The following CDIN1 variants were observed in gnomAD, a reference collection of about 807,000 sequenced individuals.
CDIN1 encodes the protein CDAN1-interacting nuclease 1.
In CDIN1, 33 loss-of-function variants were observed where a neutral mutation model predicts 45.3. That is an observed-to-expected ratio of 0.73 (90% CI 0.55 to 0.97). CDIN1 has a LOEUF of 0.97. Among genes scored for constraint, CDIN1 ranks in the 50% least tolerant of loss-of-function variants. The probability of loss-of-function intolerance (pLI) is 0.00; values close to 1 mark genes in which losing one functional copy is unlikely to be tolerated. For missense variants in CDIN1, 303 were observed against 339.4 expected (o/e 0.89, Z 0.84); for synonymous variants, 118 against 124.4 (o/e 0.95, Z 0.34).
intron 7 of CDIN1, among the ~76,000 whole-genome samples, chr15:36,694,476 T>C (rs2042355104): frequency 6.6e-6 from 1 of 152,198 alleles, no homozygotes; most frequent in South Asian, 2.1e-4. Flanking sequence ...GAAAATGTTA[T>C]GTTTGTGTAA....
chr15:36,618,439 G>A (rs1313273722), intron 1 of CDIN1: 3 of 848,082 alleles, frequency 3.5e-6, no homozygotes, highest in African/African-American at 3.3e-5. Context: ...TTCAGAGGTC[G>A]AAGATGACGA....
At chr15:36,723,207 C>A (rs1223530509) in intron 10 of CDIN1, among the ~76,000 whole-genome samples, 1 of 129,228 alleles carries the variant, frequency 7.7e-6, no homozygotes, top group African/African-American at 3.1e-5. Context: ...TTGTTGCTGG[C>A]AGCTTGCTAA....
chr15:36,746,669 C>CCACACACACACACACACACACACA (rs34320677), intron 10 of CDIN1, among the ~76,000 whole-genome samples: 69 of 141,500 alleles, frequency 4.9e-4, no homozygotes, highest in Admixed American at 3.2e-3. Flanking sequence ...ATATATGGTT[C>CCACACACACACACACACACACACA]CACACACACA....
intron 1 of CDIN1, among the ~76,000 whole-genome samples, chr15:36,615,174 C>G (rs1235165566): frequency 6.6e-6 from 1 of 152,182 alleles, no homozygotes; most frequent in Non-Finnish European, 1.5e-5. Flanking sequence ...TATTTTGAAA[C>G]TTTGCTTCTT....
intron 5 of CDIN1, among the ~76,000 whole-genome samples, chr15:36,661,910 A>G (rs73381739): frequency 0.036 from 5,530 of 152,284 alleles, 329 homozygotes; most frequent in African/African-American, 0.13. Flanking sequence ...AAAATTGTCT[A>G]AATGTTCAGT....
chr15:36,645,091 A>G (rs2040256736), intron 2 of CDIN1, 132 bp from the exon 3 acceptor site: 2 of 693,898 alleles, frequency 2.9e-6, no homozygotes, highest in African/African-American at 1.8e-5. Flanking sequence ...TGCCATCACC[A>G]CAATTCCCAA....
At chr15:36,589,606 C>T (rs963042277) in intron 1 of CDIN1, among the ~76,000 whole-genome samples, 5 of 151,894 alleles carry the variant, frequency 3.3e-5, no homozygotes, top group Admixed American at 6.6e-5. Flanking sequence ...CCTGGGTTCA[C>T]GCCATTCTCC....
At chr15:36,618,469 C>T (rs542231396) in intron 1 of CDIN1, 3 of 1,071,336 alleles carry the variant, frequency 2.8e-6, no homozygotes, top group East Asian at 4.7e-5. Flanking sequence ...AATCTCAAGA[C>T]CTCATCCTTC....
At chr15:36,625,210 G>T (rs1032758848) in intron 1 of CDIN1, among the ~76,000 whole-genome samples, 9 of 152,020 alleles carry the variant, frequency 5.9e-5, no homozygotes, top group Non-Finnish European at 1.3e-4. Context: ...GAACCCGGGA[G>T]GCAGAGCTTG....
At chr15:36,770,222 A>G (rs1279384176) in intron 10 of CDIN1, among the ~76,000 whole-genome samples, 2 of 151,990 alleles carry the variant, frequency 1.3e-5, no homozygotes, top group Non-Finnish European at 2.9e-5. Flanking sequence ...TTTATAATAA[A>G]TGGAATTTGA....
intron 5 of CDIN1, among the ~76,000 whole-genome samples, chr15:36,659,630 T>G (rs996651929): frequency 3.9e-5 from 6 of 151,914 alleles, no homozygotes; most frequent in African/African-American, 9.7e-5. Context: ...TTTTGTTTTT[T>G]TTTTTTTTTC....
chr15:36,596,726 C>T (rs945257001), intron 1 of CDIN1, among the ~76,000 whole-genome samples: 1 of 151,684 alleles, frequency 6.6e-6, no homozygotes, highest in Non-Finnish European at 1.5e-5. Flanking sequence ...TACAAAACAG[C>T]AAGACAACCA....
At chr15:36,686,828 G>A (rs2042070573) in intron 5 of CDIN1, among the ~76,000 whole-genome samples, 1 of 126,818 alleles carries the variant, frequency 7.9e-6, no homozygotes, top group Non-Finnish European at 1.7e-5. Flanking sequence ...GAGAGAGGTA[G>A]TCAGGGAGGG....
chr15:36,598,302 A>ATTATTAG (rs1239447496), intron 1 of CDIN1, among the ~76,000 whole-genome samples: 2 of 152,118 alleles, frequency 1.3e-5, no homozygotes, highest in East Asian at 3.8e-4. Context: ...TGACTTAGTT[A>ATTATTAG]TTATTAGTTA....
chr15:36,630,814 A>AGAG (rs955221727), intron 1 of CDIN1, among the ~76,000 whole-genome samples: 4 of 152,068 alleles, frequency 2.6e-5, no homozygotes, highest in Non-Finnish European at 5.9e-5. Context: ...ACATGGTGAG[A>AGAG]GAGGAGGAGG....
At chr15:36,606,900 GT>G (rs1295406199) in intron 1 of CDIN1, among the ~76,000 whole-genome samples, 3 of 152,110 alleles carry the variant, frequency 2.0e-5, no homozygotes, top group Non-Finnish European at 4.4e-5. Context: ...CTCTAGTAAG[GT>G]TGCCACCTGT....
chr15:36,631,542 T>C (rs1332974196), intron 1 of CDIN1, among the ~76,000 whole-genome samples: 1 of 152,164 alleles, frequency 6.6e-6, no homozygotes, highest in Non-Finnish European at 1.5e-5. Flanking sequence ...TTTCCATTCA[T>C]ATATTTTACA....
At chr15:36,792,087 G>A (rs955369619) in intron 10 of CDIN1, among the ~76,000 whole-genome samples, 1 of 152,104 alleles carries the variant, frequency 6.6e-6, no homozygotes, top group African/African-American at 2.4e-5. Context: ...AGCCAGGAAC[G>A]CCTCTAAAAG....
At position 36,579,756 on chromosome 15, in the gene CDIN1, C is replaced by T. The variant is rs3743337; in HGVS notation, c.-105C>T. The T allele has an allele frequency of 0.48, 417,018 of 877,082 alleles. 100,152 individuals are homozygous for T. The highest frequency in any genetic ancestry group is 0.59 in the Admixed American group (23,689 of 40,482). The allele number at this position is 877,082 out of a possible 1,614,324, so 54.3% of individuals were successfully genotyped here. On this transcript the variant is annotated 5_prime_UTR_variant, in exon 1 of 11. Coordinates refer to ENST00000566621, the MANE Select transcript of CDIN1 (RefSeq NM_001321759.2). ...GGGGCAAGCCAAGCAGGCGAGGACC[C>T]GGGCCTGTGCCGCTTTGCCTACCCC... is the stretch of plus-strand genomic sequence containing the variant.
Sources: gnomAD v4.1 joint callset for allele counts (sites outside exome capture counted in the v4.1 genomes callset) on GRCh38, gnomAD v4.1.1 for gene constraint, MANE v1.5 for transcripts, NCBI Gene and HGNC (gene_info 2026-07-23, HGNC 2026-07-21) for gene names.